PLEKHA6: variants seen among roughly 807,000 people sequenced by gnomAD.
PLEKHA6 encodes the protein pleckstrin homology domain-containing family A member 6.
In PLEKHA6, 60 loss-of-function variants were observed where a neutral mutation model predicts 116.7. That is an observed-to-expected ratio of 0.51 (90% confidence interval 0.42 to 0.64). PLEKHA6 has a LOEUF of 0.64. PLEKHA6 is among the 30% of genes least tolerant of loss of function. The pLI, the probability that PLEKHA6 is intolerant of heterozygous loss-of-function variation, is 0.00. For missense variants in PLEKHA6, 1,338 were observed against 1,422.7 expected (o/e 0.94, Z 0.96); for synonymous variants, 489 against 556.1 (o/e 0.88, Z 1.70).
chr1:204,310,921 T>C (rs1022732716), intron 1 of PLEKHA6, among the ~76,000 whole-genome samples: 1 of 152,326 alleles, frequency 6.6e-6, no homozygotes, highest in South Asian at 2.1e-4. Flanking sequence ...CCGGTGATGA[T>C]GCGGGTGTGG....
chr1:204,228,757 C>T lies in PLEKHA6; in HGVS notation c.2856G>A (p.Glu952=), dbSNP rs1660735792. ...ATTTGGCAATGAGTGTCTTGATCCT[C>T]TCCACCTTCTTCTGCTTCTCCTTCA... ...EELKEKQKKV[E]RIKTLIAKSS... The change falls in exon 20 of 23, where the codon GAG becomes GAA. Residue 952 remains glutamate (E), a synonymous_variant. Transcript: ENST00000272203. This position sits in a 1 kb window ranked among gnomAD's most constrained non-coding sequence, Gnocchi z 4.0. 4 of 1,613,942 alleles carry T rather than the reference C, an allele frequency of 2.5e-6. No individual in the cohort carries two copies. The highest frequency in any genetic ancestry group is 1.1e-5 in the South Asian group (1 of 91,080).
chr1:204,350,802 G>A (rs1363263095), intron 1 of PLEKHA6, among the ~76,000 whole-genome samples: 1 of 152,122 alleles, frequency 6.6e-6, no homozygotes, highest in Admixed American at 6.5e-5. Flanking sequence ...TCCCCTAAAC[G>A]TCCCATGAAG....
At chr1:204,332,675 T>C (rs1164885028) in intron 1 of PLEKHA6, among the ~76,000 whole-genome samples, 1 of 152,170 alleles carries the variant, frequency 6.6e-6, no homozygotes, top group Non-Finnish European at 1.5e-5. Context: ...CCACTGCGCC[T>C]GACCCAGTCC....
At chr1:204,347,222 A>G (rs16865515) in intron 1 of PLEKHA6, 51,795 of 1,120,400 alleles carry the variant, frequency 0.046, 4,973 homozygotes, top group African/African-American at 0.35. Context: ...GAGAACATAC[A>G]TCGGGTGCCT....
chr1:204,245,958 GT>G (rs2102606797), intron 13 of PLEKHA6, among the ~76,000 whole-genome samples: 1 of 152,276 alleles, frequency 6.6e-6, no homozygotes, highest in East Asian at 1.9e-4. Context: ...AATTGCCCGA[GT>G]TTCTGAACCA....
At chr1:204,367,919 C>T (rs760277780) in intron 2 of PLEKHA6, 3 of 152,272 alleles carry the variant, frequency 2.0e-5, no homozygotes, top group Non-Finnish European at 4.4e-5. Flanking sequence ...CCTCTCTTCC[C>T]ACAAACCCCA....
intron 1 of PLEKHA6, among the ~76,000 whole-genome samples, chr1:204,304,070 G>A (rs935675545): frequency 6.6e-6 from 1 of 152,150 alleles, no homozygotes; most frequent in Non-Finnish European, 1.5e-5. Context: ...TTGATATCAA[G>A]ATTTTTAAAT....
At chr1:204,268,027 C>T (rs781282228) in intron 4 of PLEKHA6, among the ~76,000 whole-genome samples, 181 bp downstream of exon 4, 1 of 152,118 alleles carries the variant, frequency 6.6e-6, no homozygotes, top group Non-Finnish European at 1.5e-5. Flanking sequence ...ACAAATTTTT[C>T]TGTGTGATTT....
At chr1:204,309,793 A>G (rs1671591551) in intron 1 of PLEKHA6, 1 of 714,710 alleles carries the variant, frequency 1.4e-6, no homozygotes, top group Non-Finnish European at 1.7e-6. Context: ...TGCCTAGAGC[A>G]GGAGTCAGCA....
chr1:204,235,266 T>C (rs1661873221), intron 17 of PLEKHA6, among the ~76,000 whole-genome samples: 6 of 152,066 alleles, frequency 3.9e-5, no homozygotes, highest in Admixed American at 3.3e-4. Flanking sequence ...TAGAGAGTTA[T>C]GCAAAATAAA....
rs1362461606 is a variant in PLEKHA6 at position 204,259,056 on chromosome 1, G to A, written c.1007+202C>T. The stretch of plus-strand genomic sequence containing the variant: ...AGCAGACAAAGAAACCAAGAATCAG[G>A]GACAGCAGCCAGACTCTAATGGTGG... On this transcript the variant is annotated intron_variant, in intron 8 of 22. Transcript: ENST00000272203. This position sits in a 1 kb window ranked among gnomAD's most constrained non-coding sequence, Gnocchi z 4.6. 6.6e-6 allele frequency among the ~76,000 whole-genome samples: 1 copy of A among 152,234 alleles called. No homozygotes were observed. Among genetic ancestry groups the A allele is most frequent in the Non-Finnish European group, 1.5e-5 (1 of 68,048 alleles).
chr1:204,328,946 A>G (rs1003494227), intron 1 of PLEKHA6, among the ~76,000 whole-genome samples: 1 of 152,248 alleles, frequency 6.6e-6, no homozygotes, highest in Admixed American at 6.5e-5. Context: ...CCAAACAACT[A>G]GACAGTGGTG....
intron 1 of PLEKHA6, chr1:204,311,840 A>C: frequency 5.3e-6 from 1 of 189,380 alleles, no homozygotes; most frequent in Non-Finnish European, 9.8e-6. Flanking sequence ...GGGCCCTAAA[A>C]TCCTTAAACT....
intron 8 of PLEKHA6, among the ~76,000 whole-genome samples, chr1:204,258,088 C>A (rs765278272): frequency 6.6e-6 from 1 of 152,202 alleles, no homozygotes; most frequent in Admixed American, 6.5e-5. Flanking sequence ...GAGCTTCAAT[C>A]TTTGCCTCTT....
chr1:204,228,872 GC>G lies in PLEKHA6; in HGVS notation c.2752-12del, dbSNP rs1176161410. ...GTCTGGAGTGGAGAGCTATGGAGGG[GC>G]TGGGGTCACCACCTCTGTCCCTTCC... On this transcript the variant is annotated splice_polypyrimidine_tract_variant and intron_variant, in intron 19 of 22. Transcript: ENST00000272203. The surrounding 1 kb of genome is among the most constrained non-coding windows in gnomAD (Gnocchi z 4.0). The G allele has an allele frequency of 6.2e-7, 1 of 1,614,020 alleles. No homozygotes were observed. The highest frequency in any genetic ancestry group is 2.2e-5 in the East Asian group (1 of 44,878).
Position 204,229,051 on chromosome 1 carries a change from G to A in PLEKHA6, c.2637C>T (p.Ala879=). Residue 879 remains alanine, a synonymous_variant, in exon 19 of 23, where the codon GCC becomes GCT. Transcript: ENST00000272203. ...GCCCGCCAGGCTCCTCTGCCCGCAGGGCTGCCTCCAGGTTGGAGATGTCTA... is the reference window on the plus strand; with the variant it reads ...GCCCGCCAGGCTCCTCTGCCCGCAGAGCTGCCTCCAGGTTGGAGATGTCTA... The part of the protein sequence containing the change: ...HEVDISNLEA[A]LRAEEPGGHA... The A allele has an allele frequency of 6.2e-7, 1 of 1,614,142 alleles. No individual in the cohort carries two copies. The highest frequency in any genetic ancestry group is 8.5e-7 in the Non-Finnish European group (1 of 1,180,030).
chr1:204,247,309 A>T (rs1663833288), intron 13 of PLEKHA6, 56 bp downstream of exon 13: 2 of 1,089,958 alleles, frequency 1.8e-6, no homozygotes, highest in Non-Finnish European at 2.8e-6. Context: ...TCTCGAGGCC[A>T]ACTCCTCATC....
intron 1 of PLEKHA6, among the ~76,000 whole-genome samples, chr1:204,330,498 T>C (rs1382299008): frequency 6.6e-6 from 1 of 152,208 alleles, no homozygotes; most frequent in East Asian, 1.9e-4. Context: ...AATAAAAAGC[T>C]TTAAAAATAT....
chr1:204,236,007 G>C (rs1661993500), intron 17 of PLEKHA6, among the ~76,000 whole-genome samples: 1 of 152,216 alleles, frequency 6.6e-6, no homozygotes, highest in Admixed American at 6.5e-5. Context: ...CAGGCCCCTA[G>C]AGGTGAGGTT....
Sources: gnomAD v4.1 joint callset for allele counts (sites outside exome capture counted in the v4.1 genomes callset) on GRCh38, gnomAD v4.1.1 for gene constraint, Gnocchi (gnomAD v3.1) non-coding constraint, MANE v1.5 for transcripts, NCBI Gene and HGNC (gene_info 2026-07-23, HGNC 2026-07-21) for gene names.